Variants in RBBP8NL observed in about 807,000 individuals in gnomAD.
RBBP8NL encodes the protein RBBP8 N-terminal like.
A neutral mutation model predicts 62.2 loss-of-function variants in RBBP8NL; 59 were observed. The ratio of observed to expected loss-of-function variants is 0.95; its 90% CI spans 0.77 to 1.18. The LOEUF is 1.18. RBBP8NL is among the 50% of genes most tolerant of loss of function. RBBP8NL has a pLI of 0.00. For missense variants in RBBP8NL, 896 were observed against 899.5 expected, an observed-to-expected ratio of 1.00 and a Z score of 0.05; for synonymous variants, 412 against 394.1, an observed-to-expected ratio of 1.05 and a Z score of -0.54.
In RBBP8NL at chr20:62,417,322, G is replaced by A; in HGVS notation, c.105-3C>T. 1 of 1,585,882 alleles carries A rather than the reference G, an allele frequency of 6.3e-7. No individual in the cohort carries two copies. The highest frequency in any genetic ancestry group is 1.1e-5 in the South Asian group (1 of 87,328). On this transcript the variant is annotated splice_region_variant and splice_polypyrimidine_tract_variant and intron_variant, in intron 3 of 13. Coordinates refer to ENST00000252998, the MANE Select transcript of RBBP8NL (RefSeq NM_080833.3). ...GCTCCTCGATCCTCTGGGCGTCCCT[G>A]TGGTGGGAAACAGCTAAAGTGGGGT...
chr20:62,417,395 G>GGT, intron 3 of RBBP8NL, 76 bp from the exon 4 acceptor site: 2 of 1,207,552 alleles, frequency 1.7e-6, no homozygotes, highest in Non-Finnish European at 2.3e-6. Context: ...TCCAGCCTGG[G>GGT]GGGGCAGCGC....
At chr20:62,418,349 C>T in intron 3 of RBBP8NL, 74 bp downstream of exon 3, 1 of 1,381,072 alleles carries the variant, frequency 7.2e-7, no homozygotes, top group Non-Finnish European at 1.0e-6. Context: ...GTAGTGCTGG[C>T]ACACTGGGGC....
chr20:62,417,457 C>A (rs1569025596), intron 3 of RBBP8NL, 138 bp from the exon 4 acceptor site: 2 of 628,034 alleles, frequency 3.2e-6, no homozygotes, highest in South Asian at 1.9e-5. Flanking sequence ...CCGGTGCCCC[C>A]CTCCCAGTCA....
intron 5 of RBBP8NL, 52 bp from the exon 6 acceptor site, chr20:62,416,288 C>CTGGGGGG: frequency 9.7e-6 from 2 of 206,534 alleles, no homozygotes; most frequent in East Asian, 1.2e-4. Context: ...GGGACAGGGG[C>CTGGGGGG]AGGGGTGGGG....
intron 2 of RBBP8NL, among the ~76,000 whole-genome samples, chr20:62,419,336 G>C (rs928783079): frequency 8.5e-5 from 13 of 152,174 alleles, no homozygotes; most frequent in Admixed American, 6.5e-5. Flanking sequence ...CTCCCCCTCG[G>C]GGTCACACTC....
At position 62,414,410 on chromosome 20, in the gene RBBP8NL, G is replaced by A; in HGVS notation, c.941C>T (p.Pro314Leu). The change falls in exon 10 of 14, where the codon CCC (proline) becomes CTC (leucine). Residue 314 changes from proline (P) to leucine (L), a missense_variant. By Grantham distance (98) the Pro-to-Leu change is moderately conservative (BLOSUM62 -3). Transcript: ENST00000252998. ...HSSPLAPAAA[P>L]SDPRLQDLKA... Reference sequence around the variant, plus strand: ...CAGGTCCTGGAGCCGGGGGTCGCTGGGGGCTGCAGCAGGGGCCAGGGGGCT... The same window carrying A: ...CAGGTCCTGGAGCCGGGGGTCGCTGAGGGCTGCAGCAGGGGCCAGGGGGCT... The A allele has an allele frequency of 1.3e-6, 2 of 1,535,538 alleles. No homozygotes were observed. Among genetic ancestry groups the A allele is most frequent in the Non-Finnish European group, 8.8e-7 (1 of 1,134,512 alleles).
rs778730117 is a variant in RBBP8NL at position 62,415,882 on chromosome 20, G to C, written c.450C>G (p.Pro150=). ...TSDPPSPLLL[P]SPGGWKAITE... The stretch of plus-strand genomic sequence containing the variant: ...TGATGGCCTTCCAGCCACCAGGGGA[G>C]GGGAGCAGCAGGGGTGAGGGGGGGT... Residue 150 remains proline (P), a synonymous_variant, in exon 7 of 14, where the codon CCC becomes CCG. Coordinates refer to ENST00000252998, the MANE Select transcript of RBBP8NL (RefSeq NM_080833.3). The C allele has an allele frequency of 9.3e-6, 15 of 1,607,956 alleles. No individual in the cohort carries two copies. Among genetic ancestry groups the C allele is most frequent in the Non-Finnish European group, 1.2e-5 (14 of 1,178,402 alleles).
At chr20:62,426,886 CGGA>C (rs1988821983) in intron 1 of RBBP8NL, among the ~76,000 whole-genome samples, 1 of 152,234 alleles carries the variant, frequency 6.6e-6, no homozygotes, top group Non-Finnish European at 1.5e-5. Flanking sequence ...GACTCCCTCC[CGGA>C]GGTGGAGGTG....
intron 1 of RBBP8NL, among the ~76,000 whole-genome samples, chr20:62,426,271 CT>C (rs1336061081): frequency 6.6e-6 from 1 of 152,254 alleles, no homozygotes. Context: ...CCACACCAGG[CT>C]TTTTCCCACT....
Position 62,410,862 on chromosome 20 carries a change from C to T in RBBP8NL, c.*16G>A. 6.4e-7 allele frequency: 1 copy of T among 1,574,372 alleles called. No homozygotes were observed. Reference sequence around the variant, plus strand: ...AGGGCTGCCCCGGGCTCGCTGTGGACCCTGGTGCAGGCTGGCTAGGTCTCC... The same window carrying T: ...AGGGCTGCCCCGGGCTCGCTGTGGATCCTGGTGCAGGCTGGCTAGGTCTCC... On this transcript the variant is annotated 3_prime_UTR_variant, in exon 14 of 14. Transcript: ENST00000252998.
intron 1 of RBBP8NL, among the ~76,000 whole-genome samples, chr20:62,427,136 G>A (rs1469745454): frequency 6.6e-6 from 1 of 152,204 alleles, no homozygotes; most frequent in African/African-American, 2.4e-5. Context: ...AGGGTGGAGG[G>A]CGAGGCCACC....
rs943473237 is a variant in RBBP8NL at position 62,412,017 on chromosome 20, C to T, written c.1876+607G>A. Among the ~76,000 whole-genome samples, 5 of 152,374 alleles carry T rather than the reference C, an allele frequency of 3.3e-5. No homozygotes were observed. The East Asian group carries it at 9.6e-4, about 29-fold the overall frequency. ...ACCCCAGCTGGAGCTGCCATTGAGC[C>T]CAGAGCAGGAAGTGAAAAGTTGTCC... On this transcript the variant is annotated intron_variant, in intron 13 of 13. Coordinates refer to ENST00000252998, the MANE Select transcript of RBBP8NL (RefSeq NM_080833.3).
chr20:62,421,333 CAT>C (rs200505033), intron 1 of RBBP8NL, among the ~76,000 whole-genome samples: 3,176 of 129,930 alleles, frequency 0.024, 91 homozygotes, highest in African/African-American at 0.082. Context: ...GTGTGTGTCC[CAT>C]GTGTGTGCAC....
At position 62,426,785 on chromosome 20, in the gene RBBP8NL, A is replaced by G. The variant is rs555037140; in HGVS notation, c.-84+675T>C. 3.3e-5 allele frequency among the ~76,000 whole-genome samples: 5 copies of G among 152,330 alleles called. No individual in the cohort carries two copies. The South Asian group carries it at 8.3e-4, about 25-fold the overall frequency. On this transcript the variant is annotated intron_variant, in intron 1 of 13. Transcript: ENST00000252998. ...GTGCACATGCACTCGTGTACCCCACACGCGCGTGCGCCCGTGCACTCGTGT... is the reference window on the plus strand; with the variant it reads ...GTGCACATGCACTCGTGTACCCCACGCGCGCGTGCGCCCGTGCACTCGTGT...
intron 1 of RBBP8NL, among the ~76,000 whole-genome samples, chr20:62,424,142 G>A (rs1988760608): frequency 6.6e-6 from 1 of 151,858 alleles, no homozygotes; most frequent in Admixed American, 6.5e-5. Context: ...CTGGTCCAGG[G>A]TCACCCTCAG....
In RBBP8NL at chr20:62,414,033, T is replaced by C. The variant is rs891680848; in HGVS notation, c.1318A>G (p.Lys440Glu). ...CCCCACTCCGAGAGGTCCAGGGGCT[T>C]GTCTAGGGCACAGTCCTGCGTGGCT... is the stretch of plus-strand genomic sequence containing the variant. ...AAATQDCALD[K>E]PLDLSEWGRA... The change falls in exon 10 of 14, where the codon AAG becomes GAG. Residue 440 changes from lysine (K) to glutamate (E), a missense_variant. Physicochemically the swap from Lys to Glu is moderately conservative, Grantham distance 56 (BLOSUM62 1). Transcript: ENST00000252998. 8.2e-6 allele frequency: 13 copies of C among 1,589,902 alleles called. No homozygotes were observed. The highest frequency in any genetic ancestry group is 1.1e-5 in the Non-Finnish European group (13 of 1,168,746).
chr20:62,413,745 G>A (rs1601485534), intron 10 of RBBP8NL, 76 bp downstream of exon 10: 1 of 1,497,694 alleles, frequency 6.7e-7, no homozygotes, highest in Non-Finnish European at 8.9e-7. Flanking sequence ...GCAGCCCGAG[G>A]TCTGGGGGGA....
intron 13 of RBBP8NL, among the ~76,000 whole-genome samples, 167 bp downstream of exon 13, chr20:62,412,457 G>A (rs941841849): frequency 3.3e-5 from 5 of 152,158 alleles, no homozygotes; most frequent in Admixed American, 1.3e-4. Flanking sequence ...GGCCACCCTC[G>A]CCCTCCTCTG....
intron 1 of RBBP8NL, among the ~76,000 whole-genome samples, chr20:62,425,482 G>C (rs1988784703): frequency 6.6e-6 from 1 of 152,212 alleles, no homozygotes; most frequent in Non-Finnish European, 1.5e-5. Context: ...CCACACACAG[G>C]CCAGGGAATC....
Sources: gnomAD v4.1 joint callset for allele counts (sites outside exome capture counted in the v4.1 genomes callset) on GRCh38, gnomAD v4.1.1 for gene constraint, MANE v1.5 for transcripts, NCBI Gene and HGNC (gene_info 2026-07-23, HGNC 2026-07-21) for gene names.